The following SNX29 variants were observed in gnomAD, a reference collection of about 807,000 sequenced individuals.
The protein encoded by SNX29 is sorting nexin-29.
In SNX29, 78 loss-of-function variants were observed where a neutral mutation model predicts 102.1. That is an observed-to-expected ratio of 0.76 (90% CI 0.64 to 0.92). The LOEUF is 0.92. Among genes scored for constraint, SNX29 ranks in the 40% least tolerant of loss-of-function variants. The pLI is 0.00. For missense variants in SNX29, 1,280 were observed against 1,061.7 expected, an observed-to-expected ratio of 1.21 and a Z score of -2.86; for synonymous variants, 580 against 414.5, an observed-to-expected ratio of 1.40 and a Z score of -4.85.
intron 16 of SNX29, among the ~76,000 whole-genome samples, chr16:12,385,888 C>T (rs1231017716): frequency 1.3e-5 from 2 of 152,218 alleles, no homozygotes; most frequent in African/African-American, 2.4e-5. Context: ...GATGTGCAGC[C>T]TCCTGGGCTC....
At chr16:12,266,721 A>G (rs16959093) in intron 14 of SNX29, among the ~76,000 whole-genome samples, 4,211 of 150,300 alleles carry the variant, frequency 0.028, 184 homozygotes, top group African/African-American at 0.098. Flanking sequence ...CACTCAGACA[A>G]CGTGGTTCTT....
In SNX29 at chr16:12,043,052, C is replaced by A. The variant is rs1325450277; in HGVS notation, c.403C>A (p.Leu135Ile). 3.1e-6 allele frequency: 5 copies of A among 1,613,328 alleles called. No homozygotes were observed. Among genetic ancestry groups the A allele is most frequent in the Non-Finnish European group, 4.2e-6 (5 of 1,179,872 alleles). Residue 135 changes from leucine to isoleucine, a missense_variant, in exon 5 of 21, where the codon CTC becomes ATC. By Grantham distance (5) the Leu-to-Ile change is conservative. Transcript: ENST00000566228. ...CTCCCTGGAGCGCTACCTGCACATG[C>A]TCCTGGCCGACCGCTGCAGGCTGAG... is the stretch of plus-strand genomic sequence containing the variant. ...EHSLERYLHMLLADRCRLSTF... is the reference protein window; with the variant it reads ...EHSLERYLHMILADRCRLSTF...
chr16:12,508,625 G>A (rs545455654), intron 19 of SNX29, among the ~76,000 whole-genome samples: 30 of 152,322 alleles, frequency 2.0e-4, no homozygotes, highest in Admixed American at 4.6e-4. Context: ...GCTGTGGTCC[G>A]CCAGAGCGTC....
At chr16:12,107,847 A>T (rs919593813) in intron 11 of SNX29, among the ~76,000 whole-genome samples, 2 of 152,142 alleles carry the variant, frequency 1.3e-5, no homozygotes, top group African/African-American at 2.4e-5. Flanking sequence ...TTCATTAGGA[A>T]TGAAGAAACT....
chr16:12,186,202 T>C (rs2076505729), intron 13 of SNX29, among the ~76,000 whole-genome samples: 1 of 152,174 alleles, frequency 6.6e-6, no homozygotes, highest in African/African-American at 2.4e-5. Context: ...TGTTGGGAGC[T>C]TTTCAGTTTC....
Position 12,295,621 on chromosome 16 carries a change from T to C in SNX29, c.1782+17585T>C, listed in dbSNP as rs144723498. 4.1e-3 allele frequency among the ~76,000 whole-genome samples: 622 copies of C among 152,346 alleles called. 1 individual carries two copies. The highest frequency in any genetic ancestry group is 6.3e-3 in the Non-Finnish European group (426 of 68,026). On this transcript the variant is annotated intron_variant, in intron 15 of 20. Coordinates refer to ENST00000566228, the MANE Select transcript of SNX29 (RefSeq NM_032167.5). ...CATTTTCAGTACCAAAAACTCAGCTTTGCCAGGGCAAGCTCTCAGCAACTC... is the reference window on the plus strand; with the variant it reads ...CATTTTCAGTACCAAAAACTCAGCTCTGCCAGGGCAAGCTCTCAGCAACTC...
chr16:12,155,167 T>A (rs2055488563), intron 13 of SNX29, among the ~76,000 whole-genome samples: 1 of 152,190 alleles, frequency 6.6e-6, no homozygotes, highest in South Asian at 2.1e-4. Context: ...CCCAGGGGAC[T>A]CTGGCTCTTG....
chr16:12,389,694 G>C (rs1030088619), intron 16 of SNX29, among the ~76,000 whole-genome samples: 1 of 152,176 alleles, frequency 6.6e-6, no homozygotes. Context: ...TAGCAACTCA[G>C]TAGGGGTAAT....
At chr16:12,483,196 A>T (rs2088051774) in intron 19 of SNX29, among the ~76,000 whole-genome samples, 1 of 123,698 alleles carries the variant, frequency 8.1e-6, no homozygotes, top group South Asian at 2.8e-4. Flanking sequence ...TTTTGTAGAG[A>T]TGGCATTTCA....
chr16:12,568,868 T>C lies in SNX29; in HGVS notation c.*239T>C, dbSNP rs75266351. The C allele has an allele frequency of 4.9e-3, 2,960 of 607,262 alleles. 70 individuals carry two copies. In the African/African-American group the frequency reaches 0.049, roughly 10 times the overall value. The allele number at this position is 607,262 out of a possible 1,614,324, so 37.6% of individuals were successfully genotyped here. A position where few individuals can be genotyped will look rare whatever the true frequency, so the allele number is the denominator to read the frequency against. ...TGGAGAGACTGGGACACACAGTCCT[T>C]CTGCTTCTGGGGTCTACCCTGGGCT... On this transcript the variant is annotated 3_prime_UTR_variant, in exon 21 of 21. Transcript: ENST00000566228.
Position 11,983,696 on chromosome 16 carries a change from G to A in SNX29, c.7+6883G>A, listed in dbSNP as rs953129919. On this transcript the variant is annotated intron_variant, in intron 1 of 20. Transcript: ENST00000566228. ...CTGATGTTGGCTATCTTGCCTCCTGGTTGCTTGACTCCAGGTAACTGATAG... is the reference window on the plus strand; with the variant it reads ...CTGATGTTGGCTATCTTGCCTCCTGATTGCTTGACTCCAGGTAACTGATAG... 5 of 985,230 alleles carry A rather than the reference G, an allele frequency of 5.1e-6. No homozygotes were observed. The African/African-American group carries it at 7.0e-5, about 14-fold the overall frequency. The allele number at this position is 985,230 out of a possible 1,614,324, so 61.0% of individuals were successfully genotyped here.
At chr16:12,075,043 G>A (rs1380044641) in intron 10 of SNX29, among the ~76,000 whole-genome samples, 1 of 151,986 alleles carries the variant, frequency 6.6e-6, no homozygotes, top group Non-Finnish European at 1.5e-5. Flanking sequence ...TCTCTATATT[G>A]GTTATTCTAG....
intron 14 of SNX29, among the ~76,000 whole-genome samples, chr16:12,232,794 GAC>G (rs2077809922): frequency 6.6e-6 from 1 of 152,198 alleles, no homozygotes. Flanking sequence ...GAAAGGAGAT[GAC>G]ACACAGAAGT....
intron 20 of SNX29, among the ~76,000 whole-genome samples, chr16:12,538,053 C>G (rs374535825): frequency 2.0e-5 from 3 of 151,828 alleles, no homozygotes; most frequent in South Asian, 2.1e-4. Flanking sequence ...AAAGTATAAT[C>G]GATCTTGGTG....
chr16:12,477,750 A>G lies in SNX29; in HGVS notation c.2069A>G (p.Asn690Ser), dbSNP rs1367101528. The part of the protein sequence containing the change: ...VYIRIKDDEW[N>S]IYRRYTEFRS... ...ATCCGGATAAAAGACGATGAATGGA[A>G]TATTTATCGCCGGTATACAGAGTTC... The change falls in exon 19 of 21, where the codon AAT becomes AGT. Residue 690 changes from asparagine (N) to serine (S), a missense_variant. Asn to Ser is a conservative substitution (Grantham distance 46, BLOSUM62 1). Transcript: ENST00000566228. 1 of 1,612,882 alleles carries G rather than the reference A, an allele frequency of 6.2e-7. No homozygotes were observed. Among genetic ancestry groups the G allele is most frequent in the African/African-American group, 1.3e-5 (1 of 74,838 alleles).
chr16:12,291,369 T>C (rs2079787323), intron 15 of SNX29, among the ~76,000 whole-genome samples: 2 of 152,198 alleles, frequency 1.3e-5, no homozygotes, highest in Admixed American at 6.5e-5. Context: ...CTTATACAAC[T>C]GTCAGATCTC....
At chr16:12,023,362 A>G (rs1400488871) in intron 3 of SNX29, among the ~76,000 whole-genome samples, 3 of 147,978 alleles carry the variant, frequency 2.0e-5, no homozygotes, top group Non-Finnish European at 4.5e-5. Flanking sequence ...AGTAGAGAGT[A>G]TTCTGGGAAC....
chr16:12,178,752 C>T (rs540535049), intron 13 of SNX29, among the ~76,000 whole-genome samples: 1 of 152,266 alleles, frequency 6.6e-6, no homozygotes, highest in South Asian at 2.1e-4. Flanking sequence ...GTGTAGTTTT[C>T]CGACTTGAGT....
intron 20 of SNX29, among the ~76,000 whole-genome samples, chr16:12,558,333 A>G (rs1327115096): frequency 6.7e-6 from 1 of 149,724 alleles, no homozygotes; most frequent in Non-Finnish European, 1.5e-5. Flanking sequence ...ATCAACAAAG[A>G]GACAAAGAGG....
Sources: gnomAD v4.1 joint callset for allele counts (sites outside exome capture counted in the v4.1 genomes callset) on GRCh38, gnomAD v4.1.1 for gene constraint, MANE v1.5 for transcripts, NCBI Gene and HGNC (gene_info 2026-07-23, HGNC 2026-07-21) for gene names.